Variants in GNAS observed in about 807,000 individuals in gnomAD.
GNAS encodes the protein GNAS complex locus, also known as protein ALEX.
GNAS carries 8 observed loss-of-function variants against 54.5 expected under a neutral mutation model. That is an observed-to-expected ratio of 0.15 (90% confidence interval 0.09 to 0.26). The LOEUF (loss-of-function observed/expected upper bound fraction) is 0.26. Ranked by LOEUF, GNAS falls within the 10% of genes least tolerant of loss-of-function variation. GNAS has a pLI of 1.00. For missense variants in GNAS, 170 were observed against 529.8 expected, an observed-to-expected ratio of 0.32 and a Z score of 6.67; for synonymous variants, 204 against 191.4, an observed-to-expected ratio of 1.07 and a Z score of -0.54.
intron 1 of GNAS, chr20:58,895,354 CAAAAG>C (rs1307776587): frequency 4.2e-6 from 2 of 479,426 alleles, no homozygotes; most frequent in Non-Finnish European, 7.6e-6. Context: ...TTTAAACAAT[CAAAAG>C]AAAAATTAAA....
At chr20:58,903,136 G>A (rs1417425773) in intron 3 of GNAS, 1 of 364,992 alleles carries the variant, frequency 2.7e-6, no homozygotes, top group South Asian at 2.2e-5. Context: ...GGACTGTTTT[G>A]TTCCACCCCA....
intron 3 of GNAS, among the ~76,000 whole-genome samples, chr20:58,901,210 CTG>C (rs2090572857): frequency 6.6e-6 from 1 of 152,138 alleles, no homozygotes; most frequent in South Asian, 2.1e-4. Flanking sequence ...TGGGTAAATT[CTG>C]AATTCAAAAG....
upstream of GNAS, chr20:58,891,209 G>C (rs913784079): frequency 6.7e-6 from 1 of 149,152 alleles, no homozygotes; most frequent in Non-Finnish European, 1.5e-5. Flanking sequence ...CTCCCGGGGG[G>C]CCGCCTCCCT....
Position 58,853,038 on chromosome 20 carries a change from G to A in GNAS, c.43+12152G>A. On this transcript the variant is annotated intron_variant, in intron 1 of 12. Transcript: ENST00000306090. The surrounding 1 kb of genome is among the most constrained non-coding windows in gnomAD (Gnocchi z 4.4). ...GCCTGGGGGCATGAAAAGTGGCCAG[G>A]AAGGAGCCAAGACTCCACCAGCAAC... is the stretch of plus-strand genomic sequence containing the variant. 7.4e-7 allele frequency: 1 copy of A among 1,345,048 alleles called. No individual in the cohort carries two copies. Among genetic ancestry groups the A allele is most frequent in the East Asian group, 2.9e-5 (1 of 34,226 alleles). 83.3% of individuals were successfully genotyped at this position (1,345,048 alleles called of 1,614,324 possible). A position where few individuals can be genotyped will look rare whatever the true frequency, so the allele number is the denominator to read the frequency against.
chr20:58,907,507 GTT>G (rs1042784772), intron 6 of GNAS, among the ~76,000 whole-genome samples: 3 of 152,228 alleles, frequency 2.0e-5, no homozygotes, highest in Non-Finnish European at 4.4e-5. Context: ...GATTAAGAGA[GTT>G]TAACCACCCC....
At chr20:58,842,218 T>TGG (rs1251390616) in intron 1 of GNAS, 2 of 398,350 alleles carry the variant, frequency 5.0e-6, no homozygotes, top group Admixed American at 4.4e-5. Flanking sequence ...TCGCCAGTCC[T>TGG]GGGGGGAAAG....
intron 1 of GNAS, among the ~76,000 whole-genome samples, chr20:58,850,083 T>G (rs2086096996): frequency 6.6e-6 from 1 of 152,192 alleles, no homozygotes; most frequent in Non-Finnish European, 1.5e-5. Flanking sequence ...CCATGTTTCC[T>G]ACCATTAAAT....
intron 1 of GNAS, among the ~76,000 whole-genome samples, chr20:58,866,524 A>G (rs190388412): frequency 1.3e-5 from 2 of 152,318 alleles, no homozygotes. Flanking sequence ...TTAATTTTAA[A>G]CAGTGGTCTA....
Position 58,853,380 on chromosome 20 carries a change from C to T in GNAS, c.43+12494C>T, listed in dbSNP as rs1177999668. On this transcript the variant is annotated intron_variant, in intron 1 of 12. Transcript: ENST00000306090. This position sits in a 1 kb window ranked among gnomAD's most constrained non-coding sequence, Gnocchi z 4.4. ...TTTGGAGGCCCCAGGGGCAGCTGCC[C>T]CCGGTGCTGGGCCTAGCCCAGCCGA... The T allele has an allele frequency of 3.0e-5, 46 of 1,558,470 alleles. No individual in the cohort carries two copies. Among genetic ancestry groups the T allele is most frequent in the Non-Finnish European group, 3.6e-5 (41 of 1,151,702 alleles).
intron 1 of GNAS, among the ~76,000 whole-genome samples, chr20:58,882,062 G>C (rs2088257557): frequency 1.3e-5 from 2 of 152,024 alleles, no homozygotes; most frequent in African/African-American, 4.8e-5. Flanking sequence ...TTTTTTGTTT[G>C]TTTGTGTTTG....
chr20:58,899,406 T>C, intron 3 of GNAS: 1 of 519,094 alleles, frequency 1.9e-6, no homozygotes, highest in Non-Finnish European at 3.7e-6. Context: ...AAACAAAATT[T>C]GTTTCCTTTA....
chr20:58,840,575 C>T (rs868770860), upstream of GNAS: 1 of 1,612,558 alleles, frequency 6.2e-7, no homozygotes, highest in Non-Finnish European at 8.5e-7. The surrounding 1 kb of genome is among the most constrained non-coding windows in gnomAD (Gnocchi z 6.0). Context: ...CACCTTCGGC[C>T]AGTCCCTCAC....
At chr20:58,874,111 T>C (rs1245568013) in intron 1 of GNAS, among the ~76,000 whole-genome samples, 1 of 152,216 alleles carries the variant, frequency 6.6e-6, no homozygotes, top group Non-Finnish European at 1.5e-5. Flanking sequence ...TGACTGAACC[T>C]TTGCTAGTCA....
intron 5 of GNAS, among the ~76,000 whole-genome samples, chr20:58,904,137 G>C (rs1270004061): frequency 6.6e-6 from 1 of 152,084 alleles, no homozygotes. Flanking sequence ...CTGAGCTATG[G>C]CAGGCTTAAT....
At chr20:58,882,310 G>A (rs1374030494) in intron 1 of GNAS, among the ~76,000 whole-genome samples, 1 of 152,222 alleles carries the variant, frequency 6.6e-6, no homozygotes, top group Non-Finnish European at 1.5e-5. Context: ...GCCTGCCTCG[G>A]CCTCCCAAAG....
rs1568931450 is a variant in GNAS, at chr20:58,856,277, G to A, written c.43+15391G>A. ...ATTCTGCACACACACAGCTCGCCTG[G>A]TCGGGGGATGGGGGAAAGGGGAAAC... On this transcript the variant is annotated intron_variant, in intron 1 of 12. Transcript: ENST00000306090. This position sits in a 1 kb window ranked among gnomAD's most constrained non-coding sequence, Gnocchi z 4.2. 6.5e-6 allele frequency: 1 copy of A among 153,128 alleles called. No individual in the cohort carries two copies. The highest frequency in any genetic ancestry group is 1.5e-5 in the Non-Finnish European group (1 of 68,398). 9.5% of individuals were successfully genotyped at this position (153,128 alleles called of 1,614,324 possible).
intron 1 of GNAS, chr20:58,852,913 C>A: frequency 2.8e-6 from 2 of 704,612 alleles, no homozygotes; most frequent in Non-Finnish European, 3.7e-6. Context: ...CGGACCGAAT[C>A]GGCACGCTCG....
rs1417175652 is a variant in GNAS at position 58,857,552 on chromosome 20, G to A, written c.43+16666G>A. 6.6e-6 allele frequency among the ~76,000 whole-genome samples: 1 copy of A among 152,214 alleles called. No homozygotes were observed. The highest frequency in any genetic ancestry group is 6.5e-5 in the Admixed American group (1 of 15,290). On this transcript the variant is annotated intron_variant, in intron 1 of 12. Coordinates refer to the GNAS transcript ENST00000306090. The surrounding 1 kb of genome is among the most constrained non-coding windows in gnomAD (Gnocchi z 4.1). ...GACCCCTAATTGTCAAATTGGTGAT[G>A]TGCCTTACATGCGGGGCCTCAGTTG...
In GNAS at chr20:58,863,894, G is replaced by C. The variant is rs569621519; in HGVS notation, c.43+23008G>C. The C allele has an allele frequency of 1.3e-5, 2 of 152,702 alleles. No homozygotes were observed. The highest frequency in any genetic ancestry group is 4.1e-4 in the South Asian group (2 of 4,826). 9.5% of individuals were successfully genotyped at this position (152,702 alleles called of 1,614,324 possible). ...AAGTTTGAAGCTGTGGGATATTTGA[G>C]GGGGAAAAAATGAATAATGCTTATC... On this transcript the variant is annotated intron_variant, in intron 1 of 12. Coordinates refer to the GNAS transcript ENST00000306090. The surrounding 1 kb of genome is among the most constrained non-coding windows in gnomAD (Gnocchi z 4.1).
Sources: gnomAD v4.1 joint callset for allele counts (sites outside exome capture counted in the v4.1 genomes callset) on GRCh38, gnomAD v4.1.1 for gene constraint, Gnocchi (gnomAD v3.1) non-coding constraint, MANE v1.5 for transcripts, NCBI Gene and HGNC (gene_info 2026-07-23, HGNC 2026-07-21) for gene names.